SPIRE1: variants seen among roughly 807,000 people sequenced by gnomAD.
SPIRE1 encodes spire type actin nucleation factor 1.
A neutral mutation model predicts 94.1 loss-of-function variants in SPIRE1; 40 were observed. The ratio of observed to expected loss-of-function variants is 0.43; its 90% CI spans 0.33 to 0.55. SPIRE1 has a LOEUF of 0.55. Among genes scored for constraint, SPIRE1 ranks in the 20% least tolerant of loss-of-function variants. SPIRE1 has a pLI of 0.06. For synonymous variants in SPIRE1, 376 were observed against 371.7 expected (o/e 1.01, Z -0.13); for missense variants, 838 against 975.2 (o/e 0.86, Z 1.87).
At chr18:12,644,488 A>G (rs2038169395) in intron 1 of SPIRE1, among the ~76,000 whole-genome samples, 2 of 152,214 alleles carry the variant, frequency 1.3e-5, no homozygotes, top group African/African-American at 4.8e-5. Flanking sequence ...AGTATCAAAC[A>G]AGTCAGAAAG....
chr18:12,543,837 T>A (rs1360287621), intron 3 of SPIRE1, among the ~76,000 whole-genome samples: 1 of 152,264 alleles, frequency 6.6e-6, no homozygotes, highest in African/African-American at 2.4e-5. Flanking sequence ...AGATAATTCT[T>A]GTCTTCTCTT....
chr18:12,581,164 C>T (rs1382756050), intron 2 of SPIRE1, among the ~76,000 whole-genome samples: 1 of 152,098 alleles, frequency 6.6e-6, no homozygotes, highest in African/African-American at 2.4e-5. Context: ...GTGAGACCGG[C>T]AATCCCCAAG....
intron 1 of SPIRE1, among the ~76,000 whole-genome samples, chr18:12,641,374 C>CT (rs67745102): frequency 0.41 from 58,887 of 143,670 alleles, 12,479 homozygotes; most frequent in Middle Eastern, 0.53. Flanking sequence ...TTCTTTTTTT[C>CT]TTTTTTTTTT....
chr18:12,562,413 T>C (rs778652569), intron 2 of SPIRE1, among the ~76,000 whole-genome samples: 14 of 148,376 alleles, frequency 9.4e-5, no homozygotes, highest in Admixed American at 4.1e-4. Flanking sequence ...GCCTCCAGAG[T>C]AGCTAGGACC....
intron 2 of SPIRE1, among the ~76,000 whole-genome samples, chr18:12,617,698 C>A (rs112478756): frequency 0.014 from 2,200 of 152,250 alleles, 62 homozygotes; most frequent in African/African-American, 0.05. Context: ...GCGTGAGCCA[C>A]CATACCCGGC....
chr18:12,596,128 G>A (rs2036665389), intron 2 of SPIRE1, among the ~76,000 whole-genome samples: 1 of 152,216 alleles, frequency 6.6e-6, no homozygotes, highest in South Asian at 2.1e-4. Context: ...CTGCAATCAA[G>A]TCTGACTGTG....
At chr18:12,589,953 C>T (rs1279322228) in intron 2 of SPIRE1, among the ~76,000 whole-genome samples, 7 of 152,144 alleles carry the variant, frequency 4.6e-5, no homozygotes, top group Admixed American at 1.3e-4. Context: ...CAGACGTTTG[C>T]AATTTTTAAA....
At chr18:12,520,653 C>G (rs1009336872) in intron 4 of SPIRE1, among the ~76,000 whole-genome samples, 1 of 152,104 alleles carries the variant, frequency 6.6e-6, no homozygotes, top group Non-Finnish European at 1.5e-5. Flanking sequence ...ACACATGGCA[C>G]ACTTACAAAA....
chr18:12,458,397 G>C (rs1230598335), intron 12 of SPIRE1, among the ~76,000 whole-genome samples: 1 of 151,576 alleles, frequency 6.6e-6, no homozygotes, highest in Non-Finnish European at 1.5e-5. Context: ...GGATCACGAG[G>C]TCAGGAGATG....
chr18:12,658,643 C>A, upstream of SPIRE1: 1 of 467,968 alleles, frequency 2.1e-6, no homozygotes, highest in South Asian at 1.6e-5. Context: ...AAAATGCAGG[C>A]CCGCTGAAGC....
intron 2 of SPIRE1, among the ~76,000 whole-genome samples, chr18:12,547,920 AAAAC>A (rs139102568): frequency 6.6e-6 from 1 of 151,542 alleles, no homozygotes; most frequent in Non-Finnish European, 1.5e-5. Context: ...CTATCTCATA[AAAAC>A]AAACAAACAA....
At chr18:12,502,329 A>C (rs1253732596) in intron 6 of SPIRE1, among the ~76,000 whole-genome samples, 1 of 152,240 alleles carries the variant, frequency 6.6e-6, no homozygotes, top group African/African-American at 2.4e-5. Flanking sequence ...ATTAATGATA[A>C]ATCAAATAGA....
chr18:12,615,218 C>T (rs1473474342), intron 2 of SPIRE1, among the ~76,000 whole-genome samples: 4 of 148,716 alleles, frequency 2.7e-5, no homozygotes, highest in Non-Finnish European at 6.0e-5. Context: ...ATCCTAGCTA[C>T]TCAGGAGGCT....
intron 2 of SPIRE1, among the ~76,000 whole-genome samples, chr18:12,578,415 A>G (rs1247521206): frequency 6.6e-6 from 1 of 152,218 alleles, no homozygotes; most frequent in Non-Finnish European, 1.5e-5. Context: ...ATGAATCTCA[A>G]AAACACTGCT....
intron 11 of SPIRE1, among the ~76,000 whole-genome samples, chr18:12,463,838 T>C (rs984091903): frequency 1.3e-5 from 2 of 152,218 alleles, no homozygotes; most frequent in African/African-American, 4.8e-5. Context: ...TACCAAGACA[T>C]TTTGTCCTTA....
rs190510512 is a variant in SPIRE1 at position 12,538,686 on chromosome 18, T to C, written c.604-3085A>G. 2.1e-3 allele frequency among the ~76,000 whole-genome samples: 327 copies of C among 152,274 alleles called. 1 individual carries two copies. The highest frequency in any genetic ancestry group is 7.7e-3 in the African/African-American group (318 of 41,562). ...AAACAACTCTGAGAGTCATCCTTTT[T>C]TCCCCCCTTAATATAGGGTCTTGCT... On this transcript the variant is annotated intron_variant, in intron 3 of 16. Coordinates refer to ENST00000409402, the MANE Select transcript of SPIRE1 (RefSeq NM_001128626.2).
At position 12,464,784 on chromosome 18, in the gene SPIRE1, G is replaced by C; in HGVS notation, c.1495+84C>G. On this transcript the variant is annotated intron_variant, in intron 11 of 16. Coordinates refer to ENST00000409402, the MANE Select transcript of SPIRE1 (RefSeq NM_001128626.2). ...GTTCTTTCTACCCTAGATGATCACAGGGCGCTCTGGGATCTCTGCTCTAGG... is the reference window on the plus strand; with the variant it reads ...GTTCTTTCTACCCTAGATGATCACACGGCGCTCTGGGATCTCTGCTCTAGG... The C allele has an allele frequency of 3.7e-6, 4 of 1,094,304 alleles. No individual in the cohort carries two copies. In the East Asian group the frequency reaches 9.6e-5, roughly 26 times the overall value. 67.8% of individuals were successfully genotyped at this position (1,094,304 alleles called of 1,614,324 possible). A position where few individuals can be genotyped will look rare whatever the true frequency, so the allele number is the denominator to read the frequency against.
At chr18:12,470,060 AC>A (rs1304333198) in intron 10 of SPIRE1, among the ~76,000 whole-genome samples, 1 of 151,884 alleles carries the variant, frequency 6.6e-6, no homozygotes, top group African/African-American at 2.4e-5. Flanking sequence ...TCCCATCTCA[AC>A]CTTCCAAGTA....
chr18:12,563,267 G>A (rs1427698422), intron 2 of SPIRE1, among the ~76,000 whole-genome samples: 1 of 150,518 alleles, frequency 6.6e-6, no homozygotes, highest in African/African-American at 2.4e-5. Context: ...ATATAAGAAA[G>A]TATTATCTAT....
Sources: allele counts gnomAD v4.1 joint callset (sites outside exome capture counted in the v4.1 genomes callset), GRCh38; gene constraint gnomAD v4.1.1; transcripts MANE v1.5; gene names NCBI Gene and HGNC (gene_info 2026-07-23, HGNC 2026-07-21).